SEMA5B: variants seen among roughly 807,000 people sequenced by gnomAD.
SEMA5B encodes the protein semaphorin 5B.
In SEMA5B, 66 loss-of-function variants were observed where a neutral mutation model predicts 135.0. The observed-to-expected ratio is 0.49, with a 90% confidence interval of 0.40 to 0.60. The LOEUF (loss-of-function observed/expected upper bound fraction) is 0.60. Ranked by LOEUF, SEMA5B falls within the 20% of genes least tolerant of loss-of-function variation. The pLI is 0.00. For missense variants in SEMA5B, 1,501 were observed against 1,566.3 expected (o/e 0.96, Z 0.70); for synonymous variants, 690 against 639.5 (o/e 1.08, Z -1.19).
chr3:122,942,270 G>A (rs1939594713), intron 4 of SEMA5B, among the ~76,000 whole-genome samples: 1 of 152,168 alleles, frequency 6.6e-6, no homozygotes, highest in Non-Finnish European at 1.5e-5. Context: ...CCCAGGACAG[G>A]AACCCAGCTC....
At chr3:122,960,650 A>G (rs1037013411) in intron 2 of SEMA5B, among the ~76,000 whole-genome samples, 2 of 152,276 alleles carry the variant, frequency 1.3e-5, no homozygotes, top group Admixed American at 6.5e-5. Flanking sequence ...TTATAAAAGG[A>G]GGAAATTCTG....
chr3:122,920,693 G>A (rs937248040), intron 12 of SEMA5B, among the ~76,000 whole-genome samples: 5 of 152,168 alleles, frequency 3.3e-5, no homozygotes, highest in African/African-American at 4.8e-5. Context: ...AAGATCATAC[G>A]GTTAGTAGAT....
intron 1 of SEMA5B, among the ~76,000 whole-genome samples, chr3:123,014,229 CCA>C (rs1942501384): frequency 6.6e-6 from 1 of 152,142 alleles, no homozygotes. Flanking sequence ...GTTTTGCAAA[CCA>C]CAGAGATGAA....
At chr3:122,923,041 C>A (rs1010103064) in intron 10 of SEMA5B, among the ~76,000 whole-genome samples, 2 of 152,208 alleles carry the variant, frequency 1.3e-5, no homozygotes, top group Non-Finnish European at 2.9e-5. Context: ...GATGGTAGGA[C>A]TGCAAAGCTT....
intron 12 of SEMA5B, among the ~76,000 whole-genome samples, chr3:122,919,804 G>T (rs1460766902): frequency 6.6e-6 from 1 of 152,110 alleles, no homozygotes; most frequent in African/African-American, 2.4e-5. Context: ...CACATCAAGG[G>T]CTCCTATCCC....
chr3:122,938,091 G>C (rs1939381890), intron 5 of SEMA5B, among the ~76,000 whole-genome samples: 1 of 152,214 alleles, frequency 6.6e-6, no homozygotes, highest in South Asian at 2.1e-4. Flanking sequence ...CAGATCCCAG[G>C]AATATGCTGC....
intron 1 of SEMA5B, among the ~76,000 whole-genome samples, chr3:123,025,039 C>G (rs1942767658): frequency 6.6e-6 from 1 of 152,208 alleles, no homozygotes; most frequent in Admixed American, 6.5e-5. Context: ...TAGGGTCTTT[C>G]AAACAAGCCA....
chr3:122,968,781 A>G (rs1370967891), intron 1 of SEMA5B, among the ~76,000 whole-genome samples: 1 of 152,058 alleles, frequency 6.6e-6, no homozygotes, highest in African/African-American at 2.4e-5. Context: ...GGTACCCATC[A>G]CTGTCAGGAC....
rs979830062 is a variant in SEMA5B, at chr3:122,946,654, G to C, written c.328+1852C>G. ...CCAGAACCAGTACCAGCTGGGCTGA[G>C]GGACCAAAGGCAGTGACTTTTAACC... On this transcript the variant is annotated intron_variant, in intron 3 of 22. Coordinates refer to ENST00000357599, the MANE Select transcript of SEMA5B (RefSeq NM_001031702.4). Among the ~76,000 whole-genome samples, 3 of 152,252 alleles carry C rather than the reference G, an allele frequency of 2.0e-5. No homozygotes were observed. The East Asian group carries it at 5.8e-4, about 29-fold the overall frequency.
intron 2 of SEMA5B, 63 bp downstream of exon 2, chr3:122,961,077 T>C: frequency 1.3e-6 from 2 of 1,497,486 alleles, no homozygotes; most frequent in Non-Finnish European, 1.8e-6. Flanking sequence ...GGGGGTCTTC[T>C]CCCTGCTCTC....
chr3:123,013,692 C>G (rs951105566), intron 1 of SEMA5B, among the ~76,000 whole-genome samples: 11 of 152,230 alleles, frequency 7.2e-5, no homozygotes, highest in African/African-American at 2.7e-4. Flanking sequence ...TAGCTCTCTT[C>G]CCTGCTCCCA....
chr3:122,966,571 T>C (rs1165151936), intron 1 of SEMA5B, among the ~76,000 whole-genome samples: 2 of 149,104 alleles, frequency 1.3e-5, no homozygotes, highest in East Asian at 3.9e-4. Context: ...TTATTATTTT[T>C]TGAGACGGAG....
intron 1 of SEMA5B, among the ~76,000 whole-genome samples, chr3:123,026,388 G>C (rs1899936): frequency 6.1e-5 from 9 of 148,528 alleles, no homozygotes; most frequent in African/African-American, 9.8e-5. Flanking sequence ...CCAGACTCTC[G>C]GCCCACTCCC....
intron 5 of SEMA5B, among the ~76,000 whole-genome samples, chr3:122,935,489 G>C (rs1046889203): frequency 6.6e-6 from 1 of 152,012 alleles, no homozygotes; most frequent in African/African-American, 2.4e-5. Flanking sequence ...TTCAGGATGG[G>C]ACAGGAGACC....
intron 1 of SEMA5B, among the ~76,000 whole-genome samples, chr3:122,992,211 T>TTCCTGGCA (rs769434972): frequency 4.6e-5 from 7 of 152,196 alleles, no homozygotes; most frequent in Admixed American, 6.5e-5. Context: ...CCCGTGCCCT[T>TTCCTGGCA]TCCTGGCAGT....
intron 5 of SEMA5B, among the ~76,000 whole-genome samples, chr3:122,937,410 G>A (rs2107504061): frequency 6.6e-6 from 1 of 152,326 alleles, no homozygotes; most frequent in African/African-American, 2.4e-5. Context: ...ACACTGGATG[G>A]CACACCCCAA....
chr3:123,007,294 C>T (rs930030938), intron 1 of SEMA5B, among the ~76,000 whole-genome samples: 1 of 152,128 alleles, frequency 6.6e-6, no homozygotes, highest in South Asian at 2.1e-4. Context: ...CATACACAGA[C>T]CCTGACCCTC....
chr3:122,970,255 C>G (rs2107641850), intron 1 of SEMA5B, among the ~76,000 whole-genome samples: 1 of 152,364 alleles, frequency 6.6e-6, no homozygotes. Context: ...CAGCTGATGA[C>G]AGAGGCCAAA....
At chr3:122,951,868 C>T (rs1238929057) in intron 2 of SEMA5B, among the ~76,000 whole-genome samples, 1 of 152,234 alleles carries the variant, frequency 6.6e-6, no homozygotes, top group Non-Finnish European at 1.5e-5. Flanking sequence ...ACTGCCCCTA[C>T]CTTACTCCAG....
Sources: allele counts gnomAD v4.1 joint callset (sites outside exome capture counted in the v4.1 genomes callset), GRCh38; gene constraint gnomAD v4.1.1; transcripts MANE v1.5; gene names NCBI Gene and HGNC (gene_info 2026-07-23, HGNC 2026-07-21).